The following PCDH15 variants were observed in gnomAD, a reference collection of about 807,000 sequenced individuals.
The protein encoded by PCDH15 is protocadherin related 15.
PCDH15 carries 129 observed loss-of-function variants against 178.5 expected under a neutral mutation model. That is an observed-to-expected ratio of 0.72 (90% CI 0.63 to 0.84). The LOEUF is 0.84. Ranked by LOEUF, PCDH15 falls within the 40% of genes least tolerant of loss-of-function variation. The pLI is 0.00. For missense variants in PCDH15, 2,230 were observed against 2,099.9 expected (o/e 1.06, Z -1.21); for synonymous variants, 800 against 732.0 (o/e 1.09, Z -1.50).
intron 21 of PCDH15, among the ~76,000 whole-genome samples, chr10:53,965,663 G>A (rs2088934484): frequency 6.6e-6 from 1 of 152,120 alleles, no homozygotes; most frequent in East Asian, 1.9e-4. Context: ...CATAATTCAA[G>A]TCACCTCCAG....
At chr10:54,539,474 C>G (rs1034968323) in intron 2 of PCDH15, among the ~76,000 whole-genome samples, 6 of 152,182 alleles carry the variant, frequency 3.9e-5, no homozygotes, top group Non-Finnish European at 5.9e-5. Context: ...CATCCAAATT[C>G]ATGAAACAAG....
At chr10:54,635,584 C>A (rs1307959118) in intron 2 of PCDH15, among the ~76,000 whole-genome samples, 1 of 151,698 alleles carries the variant, frequency 6.6e-6, no homozygotes, top group African/African-American at 2.4e-5. Flanking sequence ...AATTGGCATT[C>A]TTTTATCTCT....
chr10:55,318,546 G>A (rs948509685), intron 1 of PCDH15, among the ~76,000 whole-genome samples: 1 of 152,034 alleles, frequency 6.6e-6, no homozygotes, highest in African/African-American at 2.4e-5. Context: ...AACGTGGTCT[G>A]GGAGACAGAA....
chr10:55,620,277 G>A (rs1843564539), intron 2 of PCDH15, among the ~76,000 whole-genome samples: 1 of 151,884 alleles, frequency 6.6e-6, no homozygotes, highest in African/African-American at 2.4e-5. Flanking sequence ...ACTGTGAGAA[G>A]CTTGGGAATT....
chr10:54,201,410 A>G (rs952791522), intron 10 of PCDH15, among the ~76,000 whole-genome samples: 1 of 151,820 alleles, frequency 6.6e-6, no homozygotes. Flanking sequence ...ATATTTTTCT[A>G]TATTTATAAT....
intron 2 of PCDH15, among the ~76,000 whole-genome samples, chr10:55,110,290 T>A (rs1000453547): frequency 3.9e-5 from 6 of 152,042 alleles, no homozygotes; most frequent in Non-Finnish European, 8.8e-5. Flanking sequence ...GAAGTTTTAA[T>A]AAGATATTCA....
chr10:54,076,866 C>T (rs942737754), intron 17 of PCDH15, among the ~76,000 whole-genome samples: 1 of 151,948 alleles, frequency 6.6e-6, no homozygotes, highest in Admixed American at 6.6e-5. Flanking sequence ...ACACAAATTG[C>T]TTGTTAACAT....
At chr10:55,023,852 T>A (rs1840401827) in intron 2 of PCDH15, among the ~76,000 whole-genome samples, 1 of 146,404 alleles carries the variant, frequency 6.8e-6, no homozygotes. Context: ...TATGCCTATA[T>A]ATATATATTC....
At chr10:54,789,848 C>T (rs1005256695) in intron 1 of PCDH15, among the ~76,000 whole-genome samples, 7 of 151,832 alleles carry the variant, frequency 4.6e-5, no homozygotes. Context: ...CAGCAAGTTT[C>T]TTAATGTTTG....
At chr10:54,629,899 G>C (rs1466230542) in intron 2 of PCDH15, among the ~76,000 whole-genome samples, 1 of 152,008 alleles carries the variant, frequency 6.6e-6, no homozygotes, top group East Asian at 1.9e-4. Flanking sequence ...AAAGTTTCAG[G>C]ATCCAAAATC....
intron 2 of PCDH15, among the ~76,000 whole-genome samples, chr10:54,625,858 G>A (rs1168968347): frequency 6.6e-6 from 1 of 152,182 alleles, no homozygotes; most frequent in Non-Finnish European, 1.5e-5. Flanking sequence ...CTCAGAAGAA[G>A]AGAGGAAAAT....
intron 3 of PCDH15, among the ~76,000 whole-genome samples, 176 bp downstream of exon 3, chr10:54,527,636 A>T (rs1341681481): frequency 6.6e-6 from 1 of 152,154 alleles, no homozygotes; most frequent in Admixed American, 6.6e-5. Flanking sequence ...AAATTATTCC[A>T]AGTAAAGCAT....
chr10:54,186,911 T>C (rs146569003), intron 11 of PCDH15, among the ~76,000 whole-genome samples: 1 of 152,160 alleles, frequency 6.6e-6, no homozygotes, highest in African/African-American at 2.4e-5. Context: ...ATTCTTATTT[T>C]ACACTTTAGA....
At chr10:54,437,727 T>C (rs1427110220) in intron 3 of PCDH15, among the ~76,000 whole-genome samples, 2 of 152,142 alleles carry the variant, frequency 1.3e-5, no homozygotes, top group Non-Finnish European at 2.9e-5. Context: ...GGGAAGTAGG[T>C]TTCTGCAGAC....
chr10:54,913,370 C>A (rs747051084), intron 2 of PCDH15, among the ~76,000 whole-genome samples: 3 of 152,208 alleles, frequency 2.0e-5, no homozygotes, highest in Admixed American at 6.5e-5. Flanking sequence ...AAGCCCCAAG[C>A]ATTGGCAGCT....
At chr10:55,534,341 C>A (rs1841524209) in intron 2 of PCDH15, among the ~76,000 whole-genome samples, 1 of 151,972 alleles carries the variant, frequency 6.6e-6, no homozygotes, top group Admixed American at 6.6e-5. Context: ...GTCCTAATAT[C>A]CAGAATCTAT....
chr10:55,137,469 G>A (rs1838225937), intron 2 of PCDH15, among the ~76,000 whole-genome samples: 1 of 151,826 alleles, frequency 6.6e-6, no homozygotes, highest in Non-Finnish European at 1.5e-5. Context: ...TTTGCCCAGT[G>A]AGAAAGTTCC....
At chr10:53,861,083 C>T (rs2079078171) in intron 27 of PCDH15, among the ~76,000 whole-genome samples, 1 of 152,122 alleles carries the variant, frequency 6.6e-6, no homozygotes, top group African/African-American at 2.4e-5. Flanking sequence ...TTACAGTTTA[C>T]ATTTGGTCTT....
At position 54,587,179 on chromosome 10, in the gene PCDH15, T is replaced by C. The variant is rs12570889; in HGVS notation, c.92-59302A>G. Among the ~76,000 whole-genome samples the C allele has an allele frequency of 9.8e-3, 1,485 of 152,304 alleles. 29 individuals carry two copies. In the East Asian group the frequency reaches 0.099, roughly 10 times the overall value. On this transcript the variant is annotated intron_variant, in intron 2 of 37. Coordinates refer to ENST00000644397, the MANE Select transcript of PCDH15 (RefSeq NM_001384140.1). ...CATCTTTTTAAATGTCTGTCAGTGA[T>C]TGATCACTACACATCTATTATTCAT...
Sources: allele counts gnomAD v4.1 joint callset (sites outside exome capture counted in the v4.1 genomes callset), GRCh38; gene constraint gnomAD v4.1.1; transcripts MANE v1.5; gene names NCBI Gene and HGNC (gene_info 2026-07-23, HGNC 2026-07-21).